The following CFAP61 variants were observed in gnomAD, a reference collection of about 807,000 sequenced individuals.
CFAP61 encodes cilia- and flagella-associated protein 61.
Under a neutral mutation model 135.6 loss-of-function variants are expected in CFAP61, and 107 were observed. The observed-to-expected ratio is 0.79, with a 90% CI of 0.67 to 0.93. CFAP61 has a LOEUF of 0.93. CFAP61 is among the 40% of genes least tolerant of loss of function. CFAP61 has a pLI of 0.00. For missense variants in CFAP61, 1,507 were observed against 1,556.2 expected (o/e 0.97, Z 0.53); for synonymous variants, 575 against 578.5 (o/e 0.99, Z 0.09).
intron 9 of CFAP61, among the ~76,000 whole-genome samples, chr20:20,145,388 T>G (rs1208546612): frequency 6.6e-6 from 1 of 152,130 alleles, no homozygotes; most frequent in Non-Finnish European, 1.5e-5. Context: ...AAGAGTTATA[T>G]CTAATAAGCC....
At chr20:20,102,508 G>A (rs906380165) in intron 8 of CFAP61, among the ~76,000 whole-genome samples, 1 of 152,104 alleles carries the variant, frequency 6.6e-6, no homozygotes, top group Non-Finnish European at 1.5e-5. Context: ...TTAAGTTCAG[G>A]GGTACATGAG....
At chr20:20,238,629 G>A (rs2049777243) in intron 18 of CFAP61, among the ~76,000 whole-genome samples, 2 of 152,328 alleles carry the variant, frequency 1.3e-5, no homozygotes, top group East Asian at 1.9e-4. Flanking sequence ...AGGCCGACAT[G>A]TATCTACTGC....
At chr20:20,244,366 C>T (rs898154758) in intron 18 of CFAP61, among the ~76,000 whole-genome samples, 7 of 152,210 alleles carry the variant, frequency 4.6e-5, no homozygotes, top group South Asian at 4.1e-4. Context: ...ATACATCCTC[C>T]GACATCTAAG....
intron 17 of CFAP61, among the ~76,000 whole-genome samples, chr20:20,203,462 A>C (rs982648067): frequency 1.3e-5 from 2 of 152,144 alleles, no homozygotes; most frequent in Admixed American, 6.5e-5. Context: ...TTTTTTACAA[A>C]ATTATTTTAT....
At chr20:20,102,450 C>T (rs530820881) in intron 8 of CFAP61, among the ~76,000 whole-genome samples, 1 of 152,266 alleles carries the variant, frequency 6.6e-6, no homozygotes, top group East Asian at 1.9e-4. Flanking sequence ...TTCAGTTGTC[C>T]ATAATAGTAA....
chr20:20,202,094 C>T (rs942734873), intron 17 of CFAP61, among the ~76,000 whole-genome samples: 3 of 151,874 alleles, frequency 2.0e-5, no homozygotes, highest in Non-Finnish European at 4.4e-5. Context: ...TTACTGCTTC[C>T]CAGGTTGCTA....
intron 13 of CFAP61, among the ~76,000 whole-genome samples, chr20:20,180,089 A>G (rs2146847709): frequency 6.6e-6 from 1 of 152,376 alleles, no homozygotes; most frequent in African/African-American, 2.4e-5. Context: ...GACAACCTAT[A>G]GAATGGAAGA....
At chr20:20,217,563 T>G (rs1336831528) in intron 17 of CFAP61, among the ~76,000 whole-genome samples, 1 of 152,112 alleles carries the variant, frequency 6.6e-6, no homozygotes, top group Non-Finnish European at 1.5e-5. Context: ...CTCAGAAAAA[T>G]GAGTTTTCTG....
chr20:20,134,689 G>A (rs7274545), intron 8 of CFAP61, among the ~76,000 whole-genome samples: 19,228 of 152,160 alleles, frequency 0.13, 1,391 homozygotes, highest in Non-Finnish European at 0.15. Context: ...GGGGAAAGGA[G>A]ATTGTGGAAA....
chr20:20,353,416 G>A (rs953221355), intron 26 of CFAP61, among the ~76,000 whole-genome samples: 1 of 152,182 alleles, frequency 6.6e-6, no homozygotes, highest in South Asian at 2.1e-4. Flanking sequence ...TGTACCCTGA[G>A]CTGCCGGGAT....
rs55801409 is a variant in CFAP61, at chr20:20,137,346, C to T, written c.860-5511C>T. ...CCTTCCCTTAAGGGCAACAAGTTCCCCTGGCCCTACAGAGGTCCAGAGATG... is the reference window on the plus strand; with the variant it reads ...CCTTCCCTTAAGGGCAACAAGTTCCTCTGGCCCTACAGAGGTCCAGAGATG... On this transcript the variant is annotated intron_variant, in intron 8 of 26. Transcript: ENST00000245957. Among the ~76,000 whole-genome samples, 296 of 152,308 alleles carry T rather than the reference C, an allele frequency of 1.9e-3. 1 individual carries two copies. Among genetic ancestry groups the T allele is most frequent in the Non-Finnish European group, 3.3e-3 (222 of 68,032 alleles).
intron 6 of CFAP61, chr20:20,085,548 G>A (rs1217330038): frequency 2.2e-6 from 3 of 1,365,138 alleles, no homozygotes; most frequent in South Asian, 2.3e-5. Context: ...TATGATTATG[G>A]ATAACTTTGT....
At position 20,199,762 on chromosome 20, in the gene CFAP61, T is replaced by C; in HGVS notation, c.1798-6T>C. ...CTCCCCTAAAATATAGATTGCTGTC[T>C]TTCAGTTCCAGAACCCCTACGCCCA... On this transcript the variant is annotated splice_polypyrimidine_tract_variant and splice_region_variant and intron_variant, in intron 16 of 26. Coordinates refer to ENST00000245957, the MANE Select transcript of CFAP61 (RefSeq NM_015585.4). 6.2e-7 allele frequency: 1 copy of C among 1,614,092 alleles called. No individual in the cohort carries two copies.
At chr20:20,203,486 A>G (rs2056723321) in intron 17 of CFAP61, among the ~76,000 whole-genome samples, 1 of 152,122 alleles carries the variant, frequency 6.6e-6, no homozygotes, top group South Asian at 2.1e-4. Flanking sequence ...TTTAATTTTT[A>G]GTTTTTGTTG....
intron 18 of CFAP61, 100 bp downstream of exon 18, chr20:20,228,476 T>C (rs1252630168): frequency 9.9e-7 from 1 of 1,012,256 alleles, no homozygotes; most frequent in East Asian, 2.4e-5. Context: ...CTGAGATTGT[T>C]TGGTACTCCA....
intron 20 of CFAP61, among the ~76,000 whole-genome samples, chr20:20,254,037 CA>C (rs1474473839): frequency 3.1e-5 from 1 of 32,130 alleles, no homozygotes. Flanking sequence ...TCCTCCCCTC[CA>C]CTCCCCTCCC....
intron 7 of CFAP61, among the ~76,000 whole-genome samples, chr20:20,097,007 A>T (rs1343364042): frequency 6.6e-6 from 1 of 152,142 alleles, no homozygotes; most frequent in African/African-American, 2.4e-5. Flanking sequence ...AAAATAGAGG[A>T]GGTCTCACTT....
intron 25 of CFAP61, among the ~76,000 whole-genome samples, chr20:20,304,568 C>G (rs911122803): frequency 6.6e-6 from 1 of 151,614 alleles, no homozygotes; most frequent in Non-Finnish European, 1.5e-5. Context: ...TGTACACTCA[C>G]TCACACGCCC....
At chr20:20,344,204 A>G (rs1483889753) in intron 26 of CFAP61, among the ~76,000 whole-genome samples, 1 of 152,220 alleles carries the variant, frequency 6.6e-6, no homozygotes, top group Non-Finnish European at 1.5e-5. Context: ...ATTCCTGCAG[A>G]ACCGTGGCCA....
Sources: gnomAD v4.1 joint callset for allele counts (sites outside exome capture counted in the v4.1 genomes callset) on GRCh38, gnomAD v4.1.1 for gene constraint, MANE v1.5 for transcripts, NCBI Gene and HGNC (gene_info 2026-07-23, HGNC 2026-07-21) for gene names.